Variants in RFX8 observed in about 807,000 individuals in gnomAD.
RFX8 encodes DNA-binding protein RFX8.
Under a neutral mutation model 54.6 loss-of-function variants are expected in RFX8, and 46 were observed. The observed-to-expected ratio is 0.84, with a 90% CI of 0.67 to 1.08. RFX8 has a LOEUF of 1.08. Ranked by LOEUF, RFX8 falls within the 50% of genes least tolerant of loss-of-function variation. The pLI is 0.00. For synonymous variants in RFX8, 192 were observed against 209.5 expected (o/e 0.92, Z 0.72); for missense variants, 536 against 562.3 (o/e 0.95, Z 0.47).
chr2:101,425,351 C>A (rs1687112432), intron 2 of RFX8, among the ~76,000 whole-genome samples: 1 of 152,180 alleles, frequency 6.6e-6, no homozygotes, highest in Non-Finnish European at 1.5e-5. Flanking sequence ...TGTTCCTAGG[C>A]CTCTAGTGAA....
chr2:101,436,022 G>A (rs1179493358), intron 2 of RFX8, among the ~76,000 whole-genome samples: 4 of 152,062 alleles, frequency 2.6e-5, no homozygotes, highest in Non-Finnish European at 4.4e-5. Flanking sequence ...GGCCACCAGC[G>A]CCCTGGTTCC....
rs577848709 is a variant in RFX8 at position 101,469,041 on chromosome 2, T to TACGTATATATATAC, written c.-52-2142_-52-2141insGTATATATATACGT. Among the ~76,000 whole-genome samples, 13 of 20,874 alleles carry TACGTATATATATAC rather than the reference T, an allele frequency of 6.2e-4. 1 individual carries two copies. The highest frequency in any genetic ancestry group is 2.0e-3 in the African/African-American group (13 of 6,364). The allele number at this position is 20,874 out of a possible 152,430, so 13.7% of individuals were successfully genotyped here. ...AGGTATATATATATACGTATATATA[T>TACGTATATATATAC]GTATATATATATACGTATATATATG... On this transcript the variant is annotated intron_variant, in intron 1 of 11. Coordinates refer to ENST00000428343, the MANE Select transcript of RFX8 (RefSeq NM_001145664.2).
intron 1 of RFX8, among the ~76,000 whole-genome samples, chr2:101,471,165 C>G (rs922127700): frequency 2.1e-4 from 32 of 152,072 alleles, no homozygotes; most frequent in Admixed American, 4.6e-4. Flanking sequence ...GAAACCCCGT[C>G]TCTACGAAAA....
At chr2:101,467,183 T>A (rs977314214) in intron 1 of RFX8, among the ~76,000 whole-genome samples, 2 of 152,032 alleles carry the variant, frequency 1.3e-5, no homozygotes, top group African/African-American at 4.8e-5. Context: ...TAAAAAGAAG[T>A]TCAAATTAGG....
At chr2:101,418,496 G>GCAAAA (rs1268545471) in intron 5 of RFX8, among the ~76,000 whole-genome samples, 13 of 152,098 alleles carry the variant, frequency 8.5e-5, no homozygotes, top group South Asian at 4.1e-4. Flanking sequence ...CCAAAGCAAA[G>GCAAAA]CAAAACAAAA....
At chr2:101,435,383 C>T (rs1399539441) in intron 2 of RFX8, among the ~76,000 whole-genome samples, 1 of 152,012 alleles carries the variant, frequency 6.6e-6, no homozygotes, top group East Asian at 1.9e-4. Context: ...CCTGAGCCTC[C>T]CAATGGCTGA....
At chr2:101,429,809 G>A (rs926159122) in intron 2 of RFX8, among the ~76,000 whole-genome samples, 1 of 152,206 alleles carries the variant, frequency 6.6e-6, no homozygotes, top group African/African-American at 2.4e-5. Flanking sequence ...GCCTCTTGCT[G>A]TGCTTCTGGA....
intron 1 of RFX8, 131 bp downstream of exon 1, chr2:101,474,505 G>A: frequency 3.0e-6 from 1 of 336,224 alleles, no homozygotes; most frequent in Non-Finnish European, 5.4e-6. Flanking sequence ...CCCGCGCCCC[G>A]CCGAGGATGC....
chr2:101,421,882 C>G, intron 3 of RFX8, 105 bp from the exon 4 acceptor site: 1 of 817,764 alleles, frequency 1.2e-6, no homozygotes, highest in Non-Finnish European at 1.9e-6. Context: ...TGTTGCAATT[C>G]TCAAATGACA....
At chr2:101,448,267 G>A (rs7583866) in intron 2 of RFX8, among the ~76,000 whole-genome samples, 45,524 of 151,984 alleles carry the variant, frequency 0.3, 7,214 homozygotes, top group Middle Eastern at 0.38. Flanking sequence ...GCCTCCAAAG[G>A]ACTTGTGGAC....
intron 2 of RFX8, among the ~76,000 whole-genome samples, chr2:101,438,016 TTG>T (rs1422525818): frequency 7.1e-6 from 1 of 141,838 alleles, no homozygotes; most frequent in East Asian, 2.0e-4. Context: ...TTCATTCAAG[TTG>T]TGTGTCAATA....
intron 2 of RFX8, chr2:101,450,751 G>T: frequency 1.3e-6 from 1 of 772,534 alleles, no homozygotes; most frequent in Non-Finnish European, 2.1e-6. Context: ...CAGAGAATAG[G>T]CGAACTAATG....
intron 2 of RFX8, among the ~76,000 whole-genome samples, chr2:101,447,133 C>T (rs1688433247): frequency 6.6e-6 from 1 of 152,170 alleles, no homozygotes; most frequent in Non-Finnish European, 1.5e-5. Context: ...TACACTGACT[C>T]AACCAACTGC....
At chr2:101,439,956 T>C (rs1688003164) in intron 2 of RFX8, among the ~76,000 whole-genome samples, 1 of 152,182 alleles carries the variant, frequency 6.6e-6, no homozygotes, top group Non-Finnish European at 1.5e-5. Flanking sequence ...CCCATCCTGA[T>C]TGCTGTGGCT....
chr2:101,446,688 C>T (rs954458197), intron 2 of RFX8, among the ~76,000 whole-genome samples: 2 of 151,766 alleles, frequency 1.3e-5, no homozygotes, highest in Non-Finnish European at 2.9e-5. Flanking sequence ...ACAGAGTCCC[C>T]GGGACGCTAA....
At chr2:101,464,313 A>G (rs1318817691) in intron 2 of RFX8, among the ~76,000 whole-genome samples, 1 of 152,244 alleles carries the variant, frequency 6.6e-6, no homozygotes, top group African/African-American at 2.4e-5. Context: ...AGCAAATGTT[A>G]TTTCAAAAGA....
chr2:101,434,157 C>A (rs1687643117), intron 2 of RFX8, among the ~76,000 whole-genome samples: 1 of 152,120 alleles, frequency 6.6e-6, no homozygotes, highest in South Asian at 2.1e-4. Context: ...GAGCTGGAGA[C>A]CTCGCTCTGA....
At chr2:101,473,573 TAA>T (rs1337009445) in intron 1 of RFX8, among the ~76,000 whole-genome samples, 1 of 152,156 alleles carries the variant, frequency 6.6e-6, no homozygotes, top group East Asian at 1.9e-4. Context: ...CTTTGAAACT[TAA>T]AAAGAGAAAA....
At chr2:101,411,351 G>A (rs559261132) in intron 8 of RFX8, among the ~76,000 whole-genome samples, 1 of 152,310 alleles carries the variant, frequency 6.6e-6, no homozygotes, top group East Asian at 1.9e-4. Flanking sequence ...CTTGGAACTG[G>A]AATCATTTGC....
Sources: gnomAD v4.1 joint callset for allele counts (sites outside exome capture counted in the v4.1 genomes callset) on GRCh38, gnomAD v4.1.1 for gene constraint, MANE v1.5 for transcripts, NCBI Gene and HGNC (gene_info 2026-07-23, HGNC 2026-07-21) for gene names.